The following MOV10 variants were observed in gnomAD, a reference collection of about 807,000 sequenced individuals.
MOV10 encodes the protein RNA helicase MOV-10.
MOV10 carries 39 observed loss-of-function variants against 108.4 expected under a neutral mutation model. The observed-to-expected ratio is 0.36, with a 90% confidence interval of 0.28 to 0.47. The LOEUF is 0.47. MOV10 is among the 20% of genes least tolerant of loss of function. The pLI is 1.00. For missense variants in MOV10, 952 were observed against 1,297.6 expected, an observed-to-expected ratio of 0.73 and a Z score of 4.09; for synonymous variants, 490 against 523.1, an observed-to-expected ratio of 0.94 and a Z score of 0.86.
intron 2 of MOV10, chr1:112,686,887 A>G: frequency 2.2e-6 from 1 of 455,778 alleles, no homozygotes; most frequent in Non-Finnish European, 4.4e-6. Flanking sequence ...ATCTCTACCC[A>G]CTGCCTTGCT....
chr1:112,696,934 G>C, intron 14 of MOV10, 88 bp downstream of exon 14: 2 of 1,129,288 alleles, frequency 1.8e-6, no homozygotes, highest in Non-Finnish European at 2.5e-6. Context: ...CTTGCTGTCA[G>C]TCCTGTTGCT....
Position 112,689,593 on chromosome 1 carries a change from A to G in MOV10, c.520A>G (p.Thr174Ala), listed in dbSNP as rs370341687. 6.2e-7 allele frequency: 1 copy of G among 1,614,188 alleles called. No homozygotes were observed. Among genetic ancestry groups the G allele is most frequent in the East Asian group, 2.2e-5 (1 of 44,876 alleles). Reference sequence around the variant, plus strand: ...CACTCACCTCTTCCCACTCTGCCGGACACCCCAGTTTGCTTTCTACAATGA... The same window carrying G: ...CACTCACCTCTTCCCACTCTGCCGGGCACCCCAGTTTGCTTTCTACAATGA... Reference protein sequence around the residue: ...TLTHLFPLCRTPQFAFYNEDQ... With the variant: ...TLTHLFPLCRAPQFAFYNEDQ... The change falls in exon 4 of 21, where the codon ACA (threonine) becomes GCA (alanine). Residue 174 changes from threonine (T) to alanine (A), a missense_variant. Coordinates refer to ENST00000369645, the MANE Select transcript of MOV10 (RefSeq NM_001321324.2).
At chr1:112,693,144 C>G (rs1673736045) in intron 7 of MOV10, among the ~76,000 whole-genome samples, 3 of 152,236 alleles carry the variant, frequency 2.0e-5, no homozygotes, top group Non-Finnish European at 2.9e-5. Flanking sequence ...TTGCTACCAC[C>G]TTGGGTAAGT....
At chr1:112,693,182 C>G (rs1451221886) in intron 7 of MOV10, among the ~76,000 whole-genome samples, 2 of 152,320 alleles carry the variant, frequency 1.3e-5, no homozygotes, top group Non-Finnish European at 1.5e-5. Context: ...CCTTAGTTCC[C>G]TTATCTGAAA....
At chr1:112,696,038 T>C (rs1674047097) in intron 11 of MOV10, 110 bp from the exon 12 acceptor site, 1 of 770,708 alleles carries the variant, frequency 1.3e-6, no homozygotes, top group Non-Finnish European at 2.1e-6. Context: ...AGACTCCGTC[T>C]CAATTAAAAA....
At chr1:112,678,711 G>A (rs543848175) in intron 2 of MOV10, among the ~76,000 whole-genome samples, 47 of 152,172 alleles carry the variant, frequency 3.1e-4, no homozygotes, top group African/African-American at 1.1e-3. Flanking sequence ...TCAGAAGAAC[G>A]GGAGACCAGC....
At chr1:112,686,358 G>A (rs1673080772) in intron 2 of MOV10, among the ~76,000 whole-genome samples, 1 of 152,172 alleles carries the variant, frequency 6.6e-6, no homozygotes, top group Non-Finnish European at 1.5e-5. Context: ...AGTTACTGAT[G>A]ATCTCCTGAT....
chr1:112,675,113 G>C lies in MOV10; in HGVS notation c.137+64G>C. On this transcript the variant is annotated intron_variant, in intron 2 of 20. Coordinates refer to ENST00000369645, the MANE Select transcript of MOV10 (RefSeq NM_001321324.2). The surrounding 1 kb of genome is among the most constrained non-coding windows in gnomAD (Gnocchi z 4.7). Reference sequence around the variant, plus strand: ...CAGCTTGCTGCCACGACCCCCGCGCGAGGGCCACCTTTCCCGCCCCGGGGC... The same window carrying C: ...CAGCTTGCTGCCACGACCCCCGCGCCAGGGCCACCTTTCCCGCCCCGGGGC... 6.4e-7 allele frequency: 1 copy of C among 1,556,142 alleles called. No homozygotes were observed. Among genetic ancestry groups the C allele is most frequent in the Non-Finnish European group, 8.7e-7 (1 of 1,154,278 alleles).
intron 5 of MOV10, 23 bp downstream of exon 5, chr1:112,690,121 C>A (rs1673451671): frequency 1.9e-6 from 3 of 1,608,458 alleles, no homozygotes; most frequent in Non-Finnish European, 2.6e-6. Flanking sequence ...TCCAACTCAG[C>A]CCTGGCTGGG....
At chr1:112,698,876 C>A in intron 17 of MOV10, 87 bp downstream of exon 17, 2 of 1,136,908 alleles carry the variant, frequency 1.8e-6, no homozygotes, top group Non-Finnish European at 2.7e-6. Flanking sequence ...TCCACTCCAG[C>A]CCACGTCCCC....
intron 2 of MOV10, among the ~76,000 whole-genome samples, chr1:112,680,670 A>AG (rs1255512290): frequency 1.3e-5 from 2 of 149,858 alleles, no homozygotes; most frequent in Non-Finnish European, 3.0e-5. Flanking sequence ...AAAAAAAAAA[A>AG]AAAAAAAACT....
At position 112,700,633 on chromosome 1, in the gene MOV10, C is replaced by T; in HGVS notation, c.*126C>T. 1 of 1,545,418 alleles carries T rather than the reference C, an allele frequency of 6.5e-7. No individual in the cohort carries two copies. On this transcript the variant is annotated 3_prime_UTR_variant, in exon 21 of 21. Coordinates refer to ENST00000369645, the MANE Select transcript of MOV10 (RefSeq NM_001321324.2). Reference sequence around the variant, plus strand: ...TGGGGGAGGGAGTTTACAACCCAAGCCATTCCACCCCCTCCCCTGCTGGGG... The same window carrying T: ...TGGGGGAGGGAGTTTACAACCCAAGTCATTCCACCCCCTCCCCTGCTGGGG...
In MOV10 at chr1:112,699,763, G is replaced by T. The variant is rs770927906; in HGVS notation, c.2662G>T (p.Val888Leu). 1 of 1,614,118 alleles carries T rather than the reference G, an allele frequency of 6.2e-7. No individual in the cohort carries two copies. The highest frequency in any genetic ancestry group is 8.5e-7 in the Non-Finnish European group (1 of 1,180,050). The change falls in exon 18 of 21, where the codon GTG (valine) becomes TTG (leucine). Residue 888 changes from valine (V) to leucine (L), a missense_variant. Around this residue, in one of 5 missense-constraint regions of MOV10, gnomAD observed 65 missense variants for 124.3 expected, o/e 0.52. Transcript: ENST00000369645. ...CACCGTGCGAAGCAGCCAGAGCTTT[G>T]TGCAGCTGGATCTGGACTTTAATCT... is the stretch of plus-strand genomic sequence containing the variant. ...ISTVRSSQSF[V>L]QLDLDFNLGF...
chr1:112,689,907 C>T lies in MOV10; in HGVS notation c.645C>T (p.Leu215=), dbSNP rs1673430576. The stretch of plus-strand genomic sequence containing the variant: ...TGGGCTACTTCCCAGCCACAGTGCT[C>T]TGGGAGCTGCTGGGACCTGGGGAGT... The part of the protein sequence containing the change: ...SFVGYFPATV[L]WELLGPGESG... Residue 215 remains leucine (L), a synonymous_variant, in exon 5 of 21, where the codon CTC becomes CTT. Transcript: ENST00000369645. 6.2e-7 allele frequency: 1 copy of T among 1,614,224 alleles called. No individual in the cohort carries two copies. The highest frequency in any genetic ancestry group is 2.2e-5 in the East Asian group (1 of 44,890).
chr1:112,688,964 C>T lies in MOV10; in HGVS notation c.167C>T (p.Ser56Phe). 6.2e-7 allele frequency: 1 copy of T among 1,612,468 alleles called. No homozygotes were observed. Among genetic ancestry groups the T allele is most frequent in the Non-Finnish European group, 8.5e-7 (1 of 1,180,028 alleles). The stretch of plus-strand genomic sequence containing the variant: ...GGGACCCCCGCCCCTGGCTTCTCCT[C>T]CATGCTGTATGGAATGAAGATTGCA... ...SFGTPAPGFS[S>F]MLYGMKIANL... is the part of the protein sequence containing the mutation. Residue 56 changes from serine (S) to phenylalanine (F), a missense_variant, in exon 3 of 21, where the codon TCC (serine) becomes TTC (phenylalanine). Ser to Phe is a radical substitution (Grantham distance 155). Transcript: ENST00000369645.
chr1:112,687,516 T>C (rs1346713653), intron 2 of MOV10, among the ~76,000 whole-genome samples: 1 of 152,214 alleles, frequency 6.6e-6, no homozygotes, highest in Non-Finnish European at 1.5e-5. Context: ...CGTGGGAATG[T>C]CCTCAGGCTC....
At chr1:112,691,892 G>T (rs190733946) in intron 6 of MOV10, 93 bp downstream of exon 6, 17 of 1,414,106 alleles carry the variant, frequency 1.2e-5, no homozygotes, top group Non-Finnish European at 1.7e-5. Flanking sequence ...AGCCTCCCAG[G>T]CTGTATTCAT....
intron 2 of MOV10, among the ~76,000 whole-genome samples, chr1:112,681,313 G>A (rs984718701): frequency 9.2e-5 from 14 of 152,076 alleles, no homozygotes; most frequent in Admixed American, 1.3e-4. Flanking sequence ...CCAACATGGC[G>A]AAACCCCGTC....
chr1:112,690,132 C>G (rs748802568), intron 5 of MOV10, 34 bp downstream of exon 5: 1 of 1,604,632 alleles, frequency 6.2e-7, no homozygotes, highest in Admixed American at 1.7e-5. Context: ...CCTGGCTGGG[C>G]TCGTATCTCA....
Sources: gnomAD v4.1 joint callset for allele counts (sites outside exome capture counted in the v4.1 genomes callset) on GRCh38, gnomAD v4.1.1 for gene constraint, gnomAD v4.1.1 regional missense constraint, Gnocchi (gnomAD v3.1) non-coding constraint, MANE v1.5 for transcripts, NCBI Gene and HGNC (gene_info 2026-07-23, HGNC 2026-07-21) for gene names.